The following TMEM131L variants were observed in gnomAD, a reference collection of about 807,000 sequenced individuals.
TMEM131L encodes transmembrane protein 131-like.
Under a neutral mutation model 192.2 loss-of-function variants are expected in TMEM131L, and 54 were observed. That is an observed-to-expected ratio of 0.28 (90% CI 0.23 to 0.35). The LOEUF (loss-of-function observed/expected upper bound fraction) is 0.35, where lower values mean the gene tolerates loss of function less well. Among genes scored for constraint, TMEM131L ranks in the 10% least tolerant of loss-of-function variants. The pLI is 1.00. For synonymous variants in TMEM131L, 701 were observed against 704.9 expected, an observed-to-expected ratio of 0.99 and a Z score of 0.09; for missense variants, 1,888 against 1,972.9, an observed-to-expected ratio of 0.96 and a Z score of 0.82.
At chr4:153,513,352 G>C (rs753092736) in intron 3 of TMEM131L, among the ~76,000 whole-genome samples, 1 of 152,176 alleles carries the variant, frequency 6.6e-6, no homozygotes, top group Non-Finnish European at 1.5e-5. Flanking sequence ...GCTCTATTCT[G>C]ATTTATTTTG....
intron 3 of TMEM131L, among the ~76,000 whole-genome samples, chr4:153,511,313 G>A (rs1183690523): frequency 6.6e-6 from 1 of 152,188 alleles, no homozygotes; most frequent in Non-Finnish European, 1.5e-5. Context: ...CAAAAAGAAT[G>A]AGATCATGTC....
At chr4:153,577,761 A>AG (rs1326221119) in intron 7 of TMEM131L, among the ~76,000 whole-genome samples, 1 of 152,166 alleles carries the variant, frequency 6.6e-6, no homozygotes, top group Non-Finnish European at 1.5e-5. Context: ...CTGAAGTGAA[A>AG]GGGGTTTTCA....
chr4:153,556,313 G>C (rs575918822), intron 5 of TMEM131L, among the ~76,000 whole-genome samples: 1 of 152,178 alleles, frequency 6.6e-6, no homozygotes, highest in African/African-American at 2.4e-5. Context: ...TACTAGGAAA[G>C]TTAGGTCTCC....
At chr4:153,583,361 T>C in intron 10 of TMEM131L, 113 bp downstream of exon 10, 1 of 785,246 alleles carries the variant, frequency 1.3e-6, no homozygotes. Context: ...TATTCTTTTT[T>C]GCTTTAATTT....
At chr4:153,530,847 C>T (rs1343140551) in intron 3 of TMEM131L, among the ~76,000 whole-genome samples, 3 of 152,146 alleles carry the variant, frequency 2.0e-5, no homozygotes, top group African/African-American at 7.2e-5. Context: ...GCAGAGGCAC[C>T]AGCACCCCTT....
intron 14 of TMEM131L, among the ~76,000 whole-genome samples, 164 bp from the exon 15 acceptor site, chr4:153,587,578 G>C (rs1226411792): frequency 2.6e-5 from 4 of 152,156 alleles, no homozygotes; most frequent in East Asian, 1.9e-4. Context: ...AGACAGTTCA[G>C]ATTTCTCTGA....
At chr4:153,539,060 C>G (rs1736562904) in intron 3 of TMEM131L, among the ~76,000 whole-genome samples, 1 of 152,224 alleles carries the variant, frequency 6.6e-6, no homozygotes. Context: ...GGCCAAAGAG[C>G]AACCTCTGTC....
At position 153,571,353 on chromosome 4, in the gene TMEM131L, C is replaced by T. The variant is rs1447631640; in HGVS notation, c.661-9473C>T. ...ACTTCTCAAGCATATTCCCTCAGGG[C>T]ACAAGCAGTAATTGTATCTCCATTG... On this transcript the variant is annotated intron_variant, in intron 7 of 34. Transcript: ENST00000409959. 2.6e-5 allele frequency among the ~76,000 whole-genome samples: 4 copies of T among 152,166 alleles called. No individual in the cohort carries two copies. The East Asian group carries it at 7.7e-4, about 29-fold the overall frequency.
intron 3 of TMEM131L, among the ~76,000 whole-genome samples, chr4:153,513,033 T>C (rs1217023276): frequency 1.3e-5 from 2 of 152,182 alleles, no homozygotes; most frequent in Admixed American, 6.5e-5. Context: ...TTTTATTAAT[T>C]TTCTTTTTTC....
chr4:153,634,056 G>T (rs2126930956), intron 32 of TMEM131L, 136 bp from the exon 33 acceptor site: 1 of 723,190 alleles, frequency 1.4e-6, no homozygotes, highest in East Asian at 2.5e-5. Context: ...TGTGACTTGA[G>T]AAAGTACATC....
chr4:153,476,722 CA>C (rs1731568352), intron 3 of TMEM131L, among the ~76,000 whole-genome samples: 1 of 151,856 alleles, frequency 6.6e-6, no homozygotes. Flanking sequence ...AAAACAAAAC[CA>C]AAAATTCCTT....
chr4:153,539,929 G>A (rs1451293309), intron 3 of TMEM131L, among the ~76,000 whole-genome samples: 6 of 151,904 alleles, frequency 3.9e-5, no homozygotes, highest in South Asian at 2.1e-4. Context: ...TGACCAACGT[G>A]GAGAAACCCC....
At chr4:153,579,113 C>T (rs1730164248) in intron 7 of TMEM131L, among the ~76,000 whole-genome samples, 1 of 152,088 alleles carries the variant, frequency 6.6e-6, no homozygotes, top group South Asian at 2.1e-4. Flanking sequence ...GTAATCCTAG[C>T]ACTTTGGGAG....
intron 29 of TMEM131L, among the ~76,000 whole-genome samples, chr4:153,623,920 C>T (rs531562893): frequency 1.3e-5 from 2 of 151,538 alleles, no homozygotes; most frequent in South Asian, 4.2e-4. Flanking sequence ...TTTAAATCAT[C>T]TGTTCACTTC....
At chr4:153,579,124 G>C (rs770496286) in intron 7 of TMEM131L, among the ~76,000 whole-genome samples, 63 of 152,202 alleles carry the variant, frequency 4.1e-4, no homozygotes, top group Non-Finnish European at 7.4e-4. Context: ...ACTTTGGGAG[G>C]CTGAGGTGGG....
At chr4:153,490,685 G>T (rs1732707560) in intron 3 of TMEM131L, among the ~76,000 whole-genome samples, 1 of 152,074 alleles carries the variant, frequency 6.6e-6, no homozygotes, top group Non-Finnish European at 1.5e-5. Context: ...GCCGGGCGTG[G>T]GGGCTCATGC....
chr4:153,534,728 T>C (rs1580157705), intron 3 of TMEM131L, among the ~76,000 whole-genome samples: 1 of 152,134 alleles, frequency 6.6e-6, no homozygotes. Flanking sequence ...CCACGGCGCC[T>C]GGCCAGGAGT....
chr4:153,480,600 C>T (rs1213126727), intron 3 of TMEM131L, among the ~76,000 whole-genome samples: 1 of 151,874 alleles, frequency 6.6e-6, no homozygotes, highest in Non-Finnish European at 1.5e-5. Flanking sequence ...AAGTATCTCA[C>T]CAGGGTTCCA....
intron 3 of TMEM131L, among the ~76,000 whole-genome samples, chr4:153,490,728 G>A (rs1463117288): frequency 6.6e-6 from 1 of 151,930 alleles, no homozygotes; most frequent in African/African-American, 2.4e-5. Context: ...GGCCGAGGCG[G>A]GTGGATCATG....
Sources: gnomAD v4.1 joint callset for allele counts (sites outside exome capture counted in the v4.1 genomes callset) on GRCh38, gnomAD v4.1.1 for gene constraint, MANE v1.5 for transcripts, NCBI Gene and HGNC (gene_info 2026-07-23, HGNC 2026-07-21) for gene names.